The following FPR1 variants were observed in gnomAD, a reference collection of about 807,000 sequenced individuals.
The protein encoded by FPR1 is N-formyl peptide receptor 1.
For synonymous variants in FPR1, 193 were observed against 176.7 expected (o/e 1.09, Z -0.73); for missense variants, 407 against 453.0 (o/e 0.90, Z 0.92).
rs1168324055 is a variant in FPR1 at position 51,746,148 on chromosome 19, C to T, written c.847G>A (p.Val283Met). The change falls in exon 2 of 2, where the codon GTG becomes ATG. Residue 283 changes from valine to methionine, a missense_variant. By Grantham distance (21) the Val-to-Met change is conservative. Transcript: ENST00000304748. The surrounding 1 kb of genome is among the most constrained non-coding windows in gnomAD (Gnocchi z 4.3). ...QGMYKEIGIA[V>M]DVTSALAFFN... is the part of the protein sequence containing the mutation. ...AAGGCCAGGGCACTTGTCACATCCA[C>T]TGCAATACCAATTTCTTTGTACATG... 2.5e-6 allele frequency: 4 copies of T among 1,614,104 alleles called. No individual in the cohort carries two copies. The highest frequency in any genetic ancestry group is 1.1e-5 in the South Asian group (1 of 91,094).
At position 51,746,905 on chromosome 19, in the gene FPR1, A is replaced by G. The variant is rs2083751451; in HGVS notation, c.90T>C (p.Tyr30=). The change falls in exon 2 of 2, where the codon TAT becomes TAC. Residue 30 remains tyrosine (Y), a synonymous_variant. Transcript: ENST00000304748. This position sits in a 1 kb window ranked among gnomAD's most constrained non-coding sequence, Gnocchi z 4.3. Reference sequence around the variant, plus strand: ...GGACAAAGGTGACTGCAAATACCAGATAAGTGATGATATCCAGGAAGAGAT... The same window carrying G: ...GGACAAAGGTGACTGCAAATACCAGGTAAGTGATGATATCCAGGAAGAGAT... The part of the protein sequence containing the change: ...AGYLFLDIIT[Y]LVFAVTFVLG... The G allele has an allele frequency of 5.0e-6, 8 of 1,614,158 alleles. No homozygotes were observed. Among genetic ancestry groups the G allele is most frequent in the Non-Finnish European group, 6.8e-6 (8 of 1,180,022 alleles).
In FPR1 at chr19:51,748,943, G is replaced by T. The variant is rs142506233; in HGVS notation, c.-11-1938C>A. Among the ~76,000 whole-genome samples the T allele has an allele frequency of 4.4e-3, 676 of 152,184 alleles. 2 individuals are homozygous for T. Among genetic ancestry groups the T allele is most frequent in the African/African-American group, 0.015 (641 of 41,528 alleles). ...AAGGTATGCAACTTCTCAGCCAGGC[G>T]CAGTGGCTCACGCCTGTAATCCCAG... is the stretch of plus-strand genomic sequence containing the variant. On this transcript the variant is annotated intron_variant, in intron 1 of 1. Coordinates refer to ENST00000304748, the MANE Select transcript of FPR1 (RefSeq NM_002029.4).
At chr19:51,748,546 C>T (rs544332794) in intron 1 of FPR1, among the ~76,000 whole-genome samples, 29 of 152,298 alleles carry the variant, frequency 1.9e-4, no homozygotes, top group African/African-American at 6.5e-4. Flanking sequence ...CTGCAACCTC[C>T]GCCTCCCGCG....
rs138475342 is a variant in FPR1 at position 51,746,835 on chromosome 19, G to A, written c.160C>T (p.Arg54Trp). ...NGLVIWVAGFRMTHTVTTISY... is the reference protein window; with the variant it reads ...NGLVIWVAGFWMTHTVTTISY... ...ATGGTGGTGACTGTGTGTGTCATCC[G>A]GAATCCAGCCACCCAGATCACAAGC... The change falls in exon 2 of 2, where the codon CGG becomes TGG. Residue 54 changes from arginine to tryptophan, a missense_variant. Arg to Trp is a moderately radical substitution (Grantham distance 101). Transcript: ENST00000304748. The surrounding 1 kb of genome is among the most constrained non-coding windows in gnomAD (Gnocchi z 4.3). 28 of 1,613,998 alleles carry A rather than the reference G, an allele frequency of 1.7e-5. No individual in the cohort carries two copies. Among genetic ancestry groups the A allele is most frequent in the African/African-American group, 1.6e-4 (12 of 74,866 alleles).
Position 51,745,889 on chromosome 19 carries a change from A to G in FPR1, c.*53T>C. The G allele has an allele frequency of 6.8e-7, 1 of 1,472,454 alleles. No homozygotes were observed. Among genetic ancestry groups the G allele is most frequent in the Admixed American group, 1.8e-5 (1 of 57,028 alleles). 91.2% of individuals were successfully genotyped at this position (1,472,454 alleles called of 1,614,324 possible). On this transcript the variant is annotated 3_prime_UTR_variant, in exon 2 of 2. Transcript: ENST00000304748. ...AAATGCCTGTGGCTCAGCCTAACTC[A>G]AGGTGAGACGAAGCTGGAGCTGGGA...
intron 1 of FPR1, 34 bp from the exon 2 acceptor site, chr19:51,747,039 A>G (rs986048530): frequency 6.8e-7 from 1 of 1,461,456 alleles, no homozygotes; most frequent in African/African-American, 1.4e-5. Context: ...TTCCTCAGTT[A>G]TGAACCTCCG....
chr19:51,749,150 G>A (rs1430917736), intron 1 of FPR1, among the ~76,000 whole-genome samples: 1 of 151,744 alleles, frequency 6.6e-6, no homozygotes, highest in East Asian at 1.9e-4. Flanking sequence ...GGGAGGCGGA[G>A]GTTGCAGTGA....
intron 1 of FPR1, chr19:51,750,386 T>C (rs1026633723): frequency 2.6e-5 from 4 of 152,246 alleles, no homozygotes; most frequent in African/African-American, 9.6e-5. Flanking sequence ...TTAGGTTAGA[T>C]ATTTTATTAA....
intron 1 of FPR1, among the ~76,000 whole-genome samples, chr19:51,749,363 G>A (rs575262268): frequency 6.6e-6 from 1 of 152,172 alleles, no homozygotes; most frequent in East Asian, 1.9e-4. Context: ...ATGGATCCGT[G>A]AGTGATACTA....
rs770552297 is a variant in FPR1, at chr19:51,746,850, A to C, written c.145T>G (p.Trp49Gly). 6.2e-7 allele frequency: 1 copy of C among 1,614,184 alleles called. No individual in the cohort carries two copies. The highest frequency in any genetic ancestry group is 1.7e-5 in the Admixed American group (1 of 60,024). ...TGTGTCATCCGGAATCCAGCCACCC[A>C]GATCACAAGCCCGTTGCCCAGGACC... The part of the protein sequence containing the change: ...LGVLGNGLVI[W>G]VAGFRMTHTV... The change falls in exon 2 of 2, where the codon TGG becomes GGG. Residue 49 changes from tryptophan to glycine, a missense_variant. By Grantham distance (184) the Trp-to-Gly change is radical. Coordinates refer to ENST00000304748, the MANE Select transcript of FPR1 (RefSeq NM_002029.4). The surrounding 1 kb of genome is among the most constrained non-coding windows in gnomAD (Gnocchi z 4.3).
chr19:51,746,449 G>T lies in FPR1; in HGVS notation c.546C>A (p.Pro182=), dbSNP rs2070746. The T allele has an allele frequency of 0.3, 484,008 of 1,613,844 alleles. 74,947 individuals are homozygous for T. Among genetic ancestry groups the T allele is most frequent in the East Asian group, 0.48 (21,451 of 44,832 alleles). Residue 182 remains proline, a synonymous_variant, in exon 2 of 2, where the codon CCC becomes CCA. Transcript: ENST00000304748. The surrounding 1 kb of genome is among the most constrained non-coding windows in gnomAD (Gnocchi z 4.3). ...GTVACTFNFS[P]WTNDPKERIN... ...TCCTCTCTTTAGGGTCGTTGGTCCA[G>T]GGCGAAAAGTTAAAAGTGCAGGCTA...
intron 1 of FPR1, among the ~76,000 whole-genome samples, 200 bp downstream of exon 1, chr19:51,751,614 C>T (rs967968787): frequency 1.3e-5 from 2 of 152,172 alleles, no homozygotes; most frequent in Non-Finnish European, 2.9e-5. Context: ...AACTCCTGAC[C>T]TCAAGTTATC....
downstream of FPR1, chr19:51,745,734 C>T: frequency 1.9e-6 from 1 of 533,778 alleles, no homozygotes. Flanking sequence ...ACCCTGACCA[C>T]CCAAGGCTGA....
At chr19:51,748,076 C>T (rs2083759422) in intron 1 of FPR1, among the ~76,000 whole-genome samples, 1 of 152,018 alleles carries the variant, frequency 6.6e-6, no homozygotes, top group South Asian at 2.1e-4. Flanking sequence ...TCACTTGAGC[C>T]CAGGAATTCA....
At chr19:51,748,744 A>G (rs1210507061) in intron 1 of FPR1, among the ~76,000 whole-genome samples, 1 of 152,228 alleles carries the variant, frequency 6.6e-6, no homozygotes, top group East Asian at 1.9e-4. Context: ...TATAGGCGTG[A>G]GCCACTGTGC....
At chr19:51,749,570 G>C (rs922561866) in intron 1 of FPR1, among the ~76,000 whole-genome samples, 1 of 152,134 alleles carries the variant, frequency 6.6e-6, no homozygotes, top group Non-Finnish European at 1.5e-5. Context: ...ATATGTATTG[G>C]ATATGACATT....
chr19:51,750,161 G>A (rs945556639), intron 1 of FPR1: 4 of 152,194 alleles, frequency 2.6e-5, no homozygotes, highest in South Asian at 2.1e-4. Flanking sequence ...GCCCTGCCAC[G>A]CTACTGGCAC....
In FPR1 at chr19:51,746,203, G is replaced by C; in HGVS notation, c.792C>G (p.Ala264=). 1 of 1,614,134 alleles carries C rather than the reference G, an allele frequency of 6.2e-7. No homozygotes were observed. The highest frequency in any genetic ancestry group is 1.7e-5 in the Admixed American group (1 of 60,012). ...WSPYQVVALI[A]TVRIRELLQG... is the part of the protein sequence containing the mutation. ...GCAATAACTCACGGATTCTGACTGT[G>C]GCTATAAGGGCCACCACCTGATATG... The change falls in exon 2 of 2, where the codon GCC becomes GCG. Residue 264 remains alanine (A), a synonymous_variant. Coordinates refer to ENST00000304748, the MANE Select transcript of FPR1 (RefSeq NM_002029.4). This position sits in a 1 kb window ranked among gnomAD's most constrained non-coding sequence, Gnocchi z 4.3.
Position 51,746,524 on chromosome 19 carries a change from T to A in FPR1, c.471A>T (p.Thr157=). The change falls in exon 2 of 2, where the codon ACA becomes ACT. Residue 157 remains threonine (T), a synonymous_variant. Transcript: ENST00000304748. This position sits in a 1 kb window ranked among gnomAD's most constrained non-coding sequence, Gnocchi z 4.3. ...IGPWVMALLL[T]LPVIIRVTTV... ...TAGTCACACGAATGATAACTGGCAA[T>A]GTGAGGAGCAGAGCCATCACCCAGG... 1 of 1,614,144 alleles carries A rather than the reference T, an allele frequency of 6.2e-7. No individual in the cohort carries two copies.
Sources: gnomAD v4.1 joint callset for allele counts (sites outside exome capture counted in the v4.1 genomes callset) on GRCh38, gnomAD v4.1.1 for gene constraint, Gnocchi (gnomAD v3.1) non-coding constraint, MANE v1.5 for transcripts, NCBI Gene and HGNC (gene_info 2026-07-23, HGNC 2026-07-21) for gene names.